GNG7: variants seen among roughly 807,000 people sequenced by gnomAD.
GNG7 encodes guanine nucleotide-binding protein G(I)/G(S)/G(O) subunit gamma-7.
In GNG7, 1 loss-of-function variant was observed where a neutral mutation model predicts 4.0. The observed-to-expected ratio is 0.25, with a 90% confidence interval of 0.09 to 1.18. The LOEUF is 1.18. Among genes scored for constraint, GNG7 ranks in the 50% most tolerant of loss-of-function variants. GNG7 has a pLI of 0.50. For synonymous variants in GNG7, 34 were observed against 36.9 expected (o/e 0.92, Z 0.29); for missense variants, 86 against 91.9 (o/e 0.94, Z 0.26).
intron 3 of GNG7, among the ~76,000 whole-genome samples, chr19:2,525,691 C>T (rs1978369550): frequency 6.6e-6 from 1 of 152,138 alleles, no homozygotes; most frequent in South Asian, 2.1e-4. Context: ...GCCCTCTAAC[C>T]CCTTGCTCCG....
intron 3 of GNG7, among the ~76,000 whole-genome samples, chr19:2,551,571 T>TAAA: frequency 1.3e-5 from 1 of 78,542 alleles, no homozygotes; most frequent in African/African-American, 6.4e-5. Context: ...TTATCTATTA[T>TAAA]CTATAATATA....
rs1242099738 is a variant in GNG7, at chr19:2,614,134, C to T, written c.-78+32090G>A. Among the ~76,000 whole-genome samples, 2 of 152,312 alleles carry T rather than the reference C, an allele frequency of 1.3e-5. No individual in the cohort carries two copies. The highest frequency in any genetic ancestry group is 2.1e-4 in the South Asian group (1 of 4,828). ...GACCACATCCTCACCACCCGGTGAACGGCACTGGGAGCAGACTCAAGAGGC... is the reference window on the plus strand; with the variant it reads ...GACCACATCCTCACCACCCGGTGAATGGCACTGGGAGCAGACTCAAGAGGC... On this transcript the variant is annotated intron_variant, in intron 2 of 4. Transcript: ENST00000382159. The surrounding 1 kb of genome is among the most constrained non-coding windows in gnomAD (Gnocchi z 6.0).
At chr19:2,568,152 C>T (rs991592266) in intron 2 of GNG7, among the ~76,000 whole-genome samples, 4 of 149,316 alleles carry the variant, frequency 2.7e-5, no homozygotes, top group Non-Finnish European at 4.4e-5. Context: ...CACATGCACA[C>T]ACATACACAT....
intron 3 of GNG7, among the ~76,000 whole-genome samples, chr19:2,548,380 C>A (rs1049256073): frequency 6.7e-6 from 1 of 148,790 alleles, no homozygotes; most frequent in African/African-American, 2.5e-5. Context: ...ACTCGGGAGG[C>A]TAAGGCAGGA....
chr19:2,700,057 A>G (rs1291784586), intron 1 of GNG7, among the ~76,000 whole-genome samples: 1 of 151,498 alleles, frequency 6.6e-6, no homozygotes, highest in African/African-American at 2.4e-5. Flanking sequence ...AACAGGCTCC[A>G]TATTTGAGAC....
chr19:2,577,055 CT>C (rs1980363195), intron 2 of GNG7, among the ~76,000 whole-genome samples: 3 of 152,222 alleles, frequency 2.0e-5, no homozygotes, highest in Non-Finnish European at 4.4e-5. Flanking sequence ...TCCAGTAAGT[CT>C]TTGTATTCCT....
chr19:2,530,563 T>C (rs1978550103), intron 3 of GNG7, among the ~76,000 whole-genome samples: 1 of 150,862 alleles, frequency 6.6e-6, no homozygotes, highest in African/African-American at 2.4e-5. Context: ...TCTATTAAAA[T>C]ACAAAAATTA....
chr19:2,645,831 G>A (rs1982649447), intron 2 of GNG7, among the ~76,000 whole-genome samples: 1 of 152,176 alleles, frequency 6.6e-6, no homozygotes, highest in Non-Finnish European at 1.5e-5. Flanking sequence ...AATCAACAGA[G>A]GAGAGCTAAA....
intron 2 of GNG7, among the ~76,000 whole-genome samples, chr19:2,645,243 C>CTCT (rs755862224): frequency 2.4e-4 from 33 of 135,504 alleles, no homozygotes; most frequent in Middle Eastern, 3.8e-3. Context: ...CTCTCTCTCT[C>CTCT]TTTTTTTTTT....
At chr19:2,625,620 TG>T (rs1236635634) in intron 2 of GNG7, among the ~76,000 whole-genome samples, 1 of 152,102 alleles carries the variant, frequency 6.6e-6, no homozygotes, top group Non-Finnish European at 1.5e-5. Context: ...CCCCTCCCAG[TG>T]TTTCCATGGT....
intron 3 of GNG7, among the ~76,000 whole-genome samples, chr19:2,521,957 C>A (rs570659969): frequency 1.3e-5 from 2 of 152,272 alleles, no homozygotes; most frequent in African/African-American, 4.8e-5. Flanking sequence ...GCTGTTGCTT[C>A]TTGAATTCTC....
At chr19:2,700,254 G>C (rs144420981) in intron 1 of GNG7, among the ~76,000 whole-genome samples, 3,475 of 151,606 alleles carry the variant, frequency 0.023, 129 homozygotes, top group African/African-American at 0.08. Context: ...CGATTCTCCT[G>C]CTTCAGCCTC....
rs564348216 is a variant in GNG7 at position 2,674,206 on chromosome 19, G to A, written c.-134-27926C>T. ...CCTGAACCTGGGAGCCAGAGGTTGCGGTGAGCCGAGATCACCCCACTGCAC... is the reference window on the plus strand; with the variant it reads ...CCTGAACCTGGGAGCCAGAGGTTGCAGTGAGCCGAGATCACCCCACTGCAC... On this transcript the variant is annotated intron_variant, in intron 1 of 4. Transcript: ENST00000382159. Among the ~76,000 whole-genome samples the A allele has an allele frequency of 8.4e-5, 11 of 131,380 alleles. No homozygotes were observed. In the East Asian group the frequency reaches 2.1e-3, roughly 25 times the overall value. The allele number at this position is 131,380 out of a possible 152,430, so 86.2% of individuals were successfully genotyped here. A position where few individuals can be genotyped will look rare whatever the true frequency, so the allele number is the denominator to read the frequency against.
rs532930303 is a variant in GNG7 at position 2,566,137 on chromosome 19, G to A, written c.-77-10949C>T. On this transcript the variant is annotated intron_variant, in intron 2 of 4. Coordinates refer to ENST00000382159, the MANE Select transcript of GNG7 (RefSeq NM_052847.3). ...CGCACCACTGCACTCCAGCCTGGGCGACAGAGCCAGACTCCGTCTCATAAA... is the reference window on the plus strand; with the variant it reads ...CGCACCACTGCACTCCAGCCTGGGCAACAGAGCCAGACTCCGTCTCATAAA... 3.3e-5 allele frequency among the ~76,000 whole-genome samples: 5 copies of A among 152,124 alleles called. No individual in the cohort carries two copies. In the South Asian group the frequency reaches 8.3e-4, roughly 25 times the overall value.
intron 3 of GNG7, among the ~76,000 whole-genome samples, chr19:2,553,837 A>G (rs1599387475): frequency 1.4e-5 from 2 of 147,376 alleles, no homozygotes; most frequent in Non-Finnish European, 1.5e-5. Flanking sequence ...TATTATATGT[A>G]ATATTGCATA....
rs115955309 is a variant in GNG7 at position 2,574,210 on chromosome 19, C to T, written c.-77-19022G>A. ...GCCTTCAAACTCAACGGTGAGGCCG[C>T]GGGAACACGCATCTCATATGACGCT... On this transcript the variant is annotated intron_variant, in intron 2 of 4. Transcript: ENST00000382159. 2.8e-3 allele frequency among the ~76,000 whole-genome samples: 432 copies of T among 152,354 alleles called. 3 individuals carry two copies. The highest frequency in any genetic ancestry group is 9.8e-3 in the African/African-American group (409 of 41,586).
intron 2 of GNG7, among the ~76,000 whole-genome samples, chr19:2,566,643 G>A (rs1187078914): frequency 6.6e-6 from 1 of 152,116 alleles, no homozygotes; most frequent in Non-Finnish European, 1.5e-5. Context: ...TAAGGCCAGG[G>A]TTGGCAACAT....
chr19:2,601,132 C>T lies in GNG7; in HGVS notation c.-78+45092G>A, dbSNP rs117644346. On this transcript the variant is annotated intron_variant, in intron 2 of 4. Coordinates refer to ENST00000382159, the MANE Select transcript of GNG7 (RefSeq NM_052847.3). ...CCTGGGTGACAAGGAGAGACCTCCCCCCCGCCACCATCTCCAAAAACAAAT... is the reference window on the plus strand; with the variant it reads ...CCTGGGTGACAAGGAGAGACCTCCCTCCCGCCACCATCTCCAAAAACAAAT... 6.0e-3 allele frequency among the ~76,000 whole-genome samples: 916 copies of T among 152,100 alleles called. 3 individuals carry two copies. Among genetic ancestry groups the T allele is most frequent in the Non-Finnish European group, 0.01 (700 of 67,980 alleles).
At chr19:2,568,749 C>T (rs909120231) in intron 2 of GNG7, among the ~76,000 whole-genome samples, 7 of 151,544 alleles carry the variant, frequency 4.6e-5, no homozygotes, top group South Asian at 4.1e-4. Flanking sequence ...TACATACACA[C>T]ATACACACAT....
Sources: allele counts gnomAD v4.1 joint callset (sites outside exome capture counted in the v4.1 genomes callset), GRCh38; gene constraint gnomAD v4.1.1; non-coding constraint Gnocchi (gnomAD v3.1); transcripts MANE v1.5; gene names NCBI Gene and HGNC (gene_info 2026-07-23, HGNC 2026-07-21).